The following KCNMA1 variants were observed in gnomAD, a reference collection of about 807,000 sequenced individuals.
KCNMA1 encodes the protein Calcium-activated potassium channel subunit alpha-1.
A neutral mutation model predicts 140.0 loss-of-function variants in KCNMA1; 29 were observed. The observed-to-expected ratio is 0.21, with a 90% confidence interval of 0.15 to 0.28. The LOEUF is 0.28. KCNMA1 is among the 10% of genes least tolerant of loss of function. The pLI, the probability that KCNMA1 is intolerant of heterozygous loss-of-function variation, is 1.00. For synonymous variants in KCNMA1, 612 were observed against 611.9 expected (o/e 1.00, Z 0.00); for missense variants, 880 against 1,602.2 (o/e 0.55, Z 7.70).
intron 19 of KCNMA1, among the ~76,000 whole-genome samples, chr10:76,978,166 A>G (rs2078260680): frequency 6.6e-6 from 1 of 152,220 alleles, no homozygotes; most frequent in Non-Finnish European, 1.5e-5. Context: ...GTGAATCCAG[A>G]ATGATCCAGA....
chr10:77,008,222 G>A (rs748629449), intron 18 of KCNMA1: 162 of 1,530,842 alleles, frequency 1.1e-4, no homozygotes, highest in Non-Finnish European at 1.4e-4. Flanking sequence ...AATAGAGTAG[G>A]GGCCGTATTC....
chr10:77,490,408 T>C (rs1457510096), intron 1 of KCNMA1, among the ~76,000 whole-genome samples: 1 of 152,216 alleles, frequency 6.6e-6, no homozygotes, highest in African/African-American at 2.4e-5. Flanking sequence ...CTCCAGCTCT[T>C]TGATGGCCTT....
chr10:77,451,671 G>A (rs1436422347), intron 1 of KCNMA1, among the ~76,000 whole-genome samples: 3 of 152,256 alleles, frequency 2.0e-5, no homozygotes, highest in Non-Finnish European at 2.9e-5. Flanking sequence ...CTGCCCAGGA[G>A]TAGGCAGTCT....
chr10:77,265,003 G>A (rs889582347), intron 2 of KCNMA1, among the ~76,000 whole-genome samples: 12 of 152,124 alleles, frequency 7.9e-5, no homozygotes, highest in African/African-American at 1.4e-4. Flanking sequence ...TTTCATTCTC[G>A]GGCAAAGCAG....
chr10:77,566,493 G>A (rs1006371732), intron 1 of KCNMA1, among the ~76,000 whole-genome samples: 2 of 152,238 alleles, frequency 1.3e-5, no homozygotes, highest in Non-Finnish European at 2.9e-5. Flanking sequence ...TGACAGCACT[G>A]AGTTCCAAGG....
downstream of KCNMA1, among the ~76,000 whole-genome samples, chr10:76,881,792 G>A (rs971363520): frequency 5.3e-5 from 8 of 152,190 alleles, no homozygotes; most frequent in Non-Finnish European, 1.0e-4. Context: ...AACATGGATT[G>A]TGGCAGCAGA....
intron 2 of KCNMA1, among the ~76,000 whole-genome samples, chr10:77,314,872 C>T (rs914946201): frequency 1.3e-5 from 2 of 151,772 alleles, no homozygotes; most frequent in African/African-American, 4.8e-5. Context: ...CCACAACCCT[C>T]AGGAAGAAAT....
At chr10:77,081,161 G>A (rs1164237235) in intron 12 of KCNMA1, among the ~76,000 whole-genome samples, 2 of 152,128 alleles carry the variant, frequency 1.3e-5, no homozygotes, top group African/African-American at 2.4e-5. Flanking sequence ...AAACACGTGG[G>A]TTCCAGTCAC....
chr10:77,089,999 G>T (rs1293500086), intron 10 of KCNMA1, among the ~76,000 whole-genome samples: 1 of 152,064 alleles, frequency 6.6e-6, no homozygotes, highest in Non-Finnish European at 1.5e-5. Flanking sequence ...GTCTTGCTTG[G>T]TCACCAACTG....
chr10:76,877,759 C>G, exon 30 of KCNMA1: 1 of 1,557,760 alleles, frequency 6.4e-7, no homozygotes, highest in Non-Finnish European at 8.7e-7. Flanking sequence ...TCTTCAACTT[C>G]TCTGATTGGT....
At chr10:77,519,802 T>G (rs2052158264) in intron 1 of KCNMA1, among the ~76,000 whole-genome samples, 2 of 152,246 alleles carry the variant, frequency 1.3e-5, no homozygotes, top group Admixed American at 6.5e-5. Context: ...GCATTCTGTT[T>G]GGTGCAAGTG....
intron 2 of KCNMA1, among the ~76,000 whole-genome samples, chr10:77,391,986 TG>T (rs1466637184): frequency 1.3e-5 from 2 of 151,114 alleles, no homozygotes; most frequent in East Asian, 1.9e-4. Flanking sequence ...CTGAAGGCCT[TG>T]GGGGAAAACC....
At chr10:77,594,349 G>A (rs1274874438) in intron 1 of KCNMA1, among the ~76,000 whole-genome samples, 1 of 152,118 alleles carries the variant, frequency 6.6e-6, no homozygotes, top group Non-Finnish European at 1.5e-5. Context: ...ATTTCCCCTC[G>A]CTAAGCAGCC....
intron 2 of KCNMA1, among the ~76,000 whole-genome samples, chr10:77,346,845 A>G (rs1477464474): frequency 6.6e-6 from 1 of 152,206 alleles, no homozygotes; most frequent in Non-Finnish European, 1.5e-5. Flanking sequence ...GTTCAAGAAC[A>G]TTGTCCTCAA....
At chr10:77,576,164 G>C (rs1346554866) in intron 1 of KCNMA1, among the ~76,000 whole-genome samples, 1 of 152,114 alleles carries the variant, frequency 6.6e-6, no homozygotes, top group Non-Finnish European at 1.5e-5. Flanking sequence ...TCTAACCACC[G>C]TCTGAGGAAC....
At chr10:76,945,682 T>C (rs1039233835) in intron 22 of KCNMA1, among the ~76,000 whole-genome samples, 6 of 151,986 alleles carry the variant, frequency 3.9e-5, no homozygotes, top group African/African-American at 1.5e-4. Context: ...AGTGAAAATG[T>C]ATGCAGGAGG....
chr10:77,598,448 A>C (rs1482182172), intron 1 of KCNMA1, among the ~76,000 whole-genome samples: 1 of 152,200 alleles, frequency 6.6e-6, no homozygotes, highest in Non-Finnish European at 1.5e-5. Flanking sequence ...AAATAAGTGG[A>C]AGGGTCCACC....
chr10:77,549,245 C>T (rs939699382), intron 1 of KCNMA1, among the ~76,000 whole-genome samples: 1 of 152,204 alleles, frequency 6.6e-6, no homozygotes, highest in Admixed American at 6.5e-5. Flanking sequence ...TGTCCTGTCC[C>T]TTATGATATC....
At chr10:77,177,853 A>T (rs143852954) in intron 5 of KCNMA1, among the ~76,000 whole-genome samples, 1 of 152,258 alleles carries the variant, frequency 6.6e-6, no homozygotes, top group African/African-American at 2.4e-5. Context: ...ACCTGCTGTC[A>T]CTGCATGTGT....
Sources: gnomAD v4.1 joint callset for allele counts (sites outside exome capture counted in the v4.1 genomes callset) on GRCh38, gnomAD v4.1.1 for gene constraint, MANE v1.5 for transcripts, NCBI Gene and HGNC (gene_info 2026-07-23, HGNC 2026-07-21) for gene names.